Variants in CACNA2D3 observed in about 807,000 individuals in gnomAD.
The protein encoded by CACNA2D3 is voltage-dependent calcium channel subunit alpha-2/delta-3.
In CACNA2D3, 60 loss-of-function variants were observed where a neutral mutation model predicts 160.6. That is an observed-to-expected ratio of 0.37 (90% CI 0.30 to 0.46). CACNA2D3 has a LOEUF of 0.46. CACNA2D3 is among the 20% of genes least tolerant of loss of function. The pLI is 1.00. For synonymous variants in CACNA2D3, 558 were observed against 492.9 expected, an observed-to-expected ratio of 1.13 and a Z score of -1.75; for missense variants, 1,205 against 1,365.0, an observed-to-expected ratio of 0.88 and a Z score of 1.85.
intron 11 of CACNA2D3, among the ~76,000 whole-genome samples, chr3:54,708,098 G>A (rs1445079048): frequency 7.2e-5 from 11 of 152,166 alleles, no homozygotes; most frequent in African/African-American, 2.4e-4. Flanking sequence ...AGTCAGAGAT[G>A]TGGGAGACAT....
chr3:54,675,620 C>T (rs1469002582), intron 11 of CACNA2D3, among the ~76,000 whole-genome samples: 10 of 152,056 alleles, frequency 6.6e-5, no homozygotes, highest in African/African-American at 1.7e-4. Context: ...AGGGAGGAGA[C>T]GCAGAGGATG....
intron 2 of CACNA2D3, among the ~76,000 whole-genome samples, chr3:54,164,787 C>A (rs1230387676): frequency 6.6e-6 from 1 of 152,150 alleles, no homozygotes; most frequent in Non-Finnish European, 1.5e-5. Context: ...CAGTACTGCA[C>A]CCCTGAGCAG....
chr3:55,016,185 C>T (rs1279450968), intron 34 of CACNA2D3, among the ~76,000 whole-genome samples: 3 of 152,152 alleles, frequency 2.0e-5, no homozygotes, highest in African/African-American at 4.8e-5. Context: ...TCAGTGTAGT[C>T]AGGAGTCAGA....
chr3:54,331,989 A>G (rs769378081), intron 3 of CACNA2D3, among the ~76,000 whole-genome samples: 4 of 152,202 alleles, frequency 2.6e-5, no homozygotes, highest in Non-Finnish European at 4.4e-5. Flanking sequence ...CTGAGACAGT[A>G]TTGGTCACGT....
chr3:54,837,148 C>T lies in CACNA2D3; in HGVS notation c.1399-11C>T. 2 of 1,613,642 alleles carry T rather than the reference C, an allele frequency of 1.2e-6. No homozygotes were observed. The highest frequency in any genetic ancestry group is 1.7e-6 in the Non-Finnish European group (2 of 1,179,564). On this transcript the variant is annotated splice_polypyrimidine_tract_variant and intron_variant, in intron 14 of 37. Coordinates refer to ENST00000474759, the MANE Select transcript of CACNA2D3 (RefSeq NM_018398.3). ...CCGTTCCCCGGTAACTGGCTTTTCTCTTCCATCCAGCTGACTGATGATCAG... is the reference window on the plus strand; with the variant it reads ...CCGTTCCCCGGTAACTGGCTTTTCTTTTCCATCCAGCTGACTGATGATCAG...
At chr3:54,339,975 T>C (rs1704478261) in intron 3 of CACNA2D3, among the ~76,000 whole-genome samples, 1 of 152,208 alleles carries the variant, frequency 6.6e-6, no homozygotes, top group South Asian at 2.1e-4. Context: ...TGGAGAGTTA[T>C]TTCTTGGAGA....
chr3:54,423,264 G>T lies in CACNA2D3; in HGVS notation c.381+36490G>T, dbSNP rs113541621. On this transcript the variant is annotated intron_variant, in intron 4 of 37. Coordinates refer to ENST00000474759, the MANE Select transcript of CACNA2D3 (RefSeq NM_018398.3). ...GATTTGTGTAAGAAAATTATTTGGG[G>T]GTAATCAAAATTGAATTTAAAACAT... 1.5e-3 allele frequency among the ~76,000 whole-genome samples: 234 copies of T among 151,932 alleles called. 1 individual carries two copies. Among genetic ancestry groups the T allele is most frequent in the Non-Finnish European group, 2.7e-3 (185 of 67,952 alleles).
intron 34 of CACNA2D3, among the ~76,000 whole-genome samples, chr3:55,011,896 T>A (rs10049249): frequency 6.6e-6 from 1 of 151,998 alleles, no homozygotes; most frequent in African/African-American, 2.4e-5. Context: ...TTGACTCACT[T>A]TTCCACAATT....
chr3:54,226,459 C>T (rs374310995), intron 2 of CACNA2D3, among the ~76,000 whole-genome samples: 9 of 152,060 alleles, frequency 5.9e-5, no homozygotes, highest in South Asian at 2.1e-4. Flanking sequence ...TGTGCCACCA[C>T]GTCCAGCTAA....
intron 27 of CACNA2D3, among the ~76,000 whole-genome samples, chr3:54,933,544 G>A (rs538407439): frequency 6.6e-6 from 1 of 152,294 alleles, no homozygotes; most frequent in African/African-American, 2.4e-5. Context: ...GCTGGGAAAT[G>A]TTGTCTAGCA....
chr3:54,350,966 C>CGGTTTT lies in CACNA2D3; in HGVS notation c.321+30408_321+30409insGGTTTT, dbSNP rs1559457706. ...CTGCTTGGATTTTGAGATCTTGAGT[C>CGGTTTT]TGTTTTTTTTTTTTTGTTTGTTTTT... On this transcript the variant is annotated intron_variant, in intron 3 of 37. Coordinates refer to ENST00000474759, the MANE Select transcript of CACNA2D3 (RefSeq NM_018398.3). Among the ~76,000 whole-genome samples the CGGTTTT allele has an allele frequency of 1.4e-4, 9 of 63,284 alleles. 1 individual carries two copies. Among genetic ancestry groups the CGGTTTT allele is most frequent in the Non-Finnish European group, 1.8e-4 (5 of 27,920 alleles). 41.5% of individuals were successfully genotyped at this position (63,284 alleles called of 152,430 possible).
chr3:54,463,127 G>A (rs953147095), intron 4 of CACNA2D3, among the ~76,000 whole-genome samples: 1 of 152,038 alleles, frequency 6.6e-6, no homozygotes, highest in Admixed American at 6.5e-5. Flanking sequence ...GGCTTGTAGA[G>A]TTTCCGCCGA....
chr3:55,040,492 C>A (rs1703934376), intron 35 of CACNA2D3, among the ~76,000 whole-genome samples: 1 of 151,978 alleles, frequency 6.6e-6, no homozygotes, highest in Non-Finnish European at 1.5e-5. Context: ...GGCTAAATCA[C>A]AAGATGGAAA....
intron 2 of CACNA2D3, among the ~76,000 whole-genome samples, chr3:54,150,291 T>A (rs137957248): frequency 0.014 from 2,084 of 152,326 alleles, 19 homozygotes; most frequent in Non-Finnish European, 0.022. Context: ...CTTTAAATGT[T>A]AAAGGTCTAA....
chr3:54,763,006 T>G (rs1442951428), intron 12 of CACNA2D3, among the ~76,000 whole-genome samples: 1 of 148,278 alleles, frequency 6.7e-6, no homozygotes, highest in Non-Finnish European at 1.5e-5. Context: ...GAGAATGGTG[T>G]GAACCCGGGA....
chr3:54,650,506 C>T (rs558720469), intron 11 of CACNA2D3, among the ~76,000 whole-genome samples: 2 of 152,248 alleles, frequency 1.3e-5, no homozygotes, highest in African/African-American at 4.8e-5. Flanking sequence ...TGGGATTACA[C>T]GTGTGTGCCA....
chr3:54,693,932 G>C (rs1054811244), intron 11 of CACNA2D3, among the ~76,000 whole-genome samples: 3 of 152,130 alleles, frequency 2.0e-5, no homozygotes, highest in Non-Finnish European at 4.4e-5. Flanking sequence ...AAAATTAAAA[G>C]TTTATAAAAG....
chr3:54,839,473 T>C (rs1487160523), intron 16 of CACNA2D3, among the ~76,000 whole-genome samples: 1 of 152,160 alleles, frequency 6.6e-6, no homozygotes, highest in African/African-American at 2.4e-5. Flanking sequence ...CCACCAGATC[T>C]GGTTGATTCA....
chr3:54,289,136 A>G (rs965514255), intron 2 of CACNA2D3, among the ~76,000 whole-genome samples: 2 of 152,208 alleles, frequency 1.3e-5, no homozygotes, highest in Admixed American at 6.5e-5. Context: ...TGCAGACGAC[A>G]TGATTGTATA....
Sources: allele counts gnomAD v4.1 joint callset (sites outside exome capture counted in the v4.1 genomes callset), GRCh38; gene constraint gnomAD v4.1.1; transcripts MANE v1.5; gene names NCBI Gene and HGNC (gene_info 2026-07-23, HGNC 2026-07-21).